BMPR1B: variants seen among roughly 807,000 people sequenced by gnomAD.
BMPR1B encodes the protein bone morphogenetic protein receptor type 1B, also known as bone morphogenetic protein receptor type-1B.
In BMPR1B, 12 loss-of-function variants were observed where a neutral mutation model predicts 59.1. The ratio of observed to expected loss-of-function variants is 0.20; its 90% CI spans 0.13 to 0.33. The LOEUF (loss-of-function observed/expected upper bound fraction) is 0.33. BMPR1B is among the 10% of genes least tolerant of loss of function. BMPR1B has a pLI of 1.00. For missense variants in BMPR1B, 550 were observed against 610.9 expected (o/e 0.90, Z 1.05); for synonymous variants, 237 against 207.3 (o/e 1.14, Z -1.23).
At chr4:94,998,460 G>A (rs1481860799) in intron 3 of BMPR1B, among the ~76,000 whole-genome samples, 2 of 150,712 alleles carry the variant, frequency 1.3e-5, no homozygotes, top group East Asian at 2.0e-4. Context: ...TGCAACCTCC[G>A]TCTCCTGGGT....
intron 6 of BMPR1B, among the ~76,000 whole-genome samples, chr4:95,116,421 G>GCACGCACACACACACACACACACACA (rs1732060790): frequency 8.1e-6 from 1 of 123,198 alleles, no homozygotes; most frequent in African/African-American, 3.6e-5. Context: ...TTCAGCGCGC[G>GCACGCACACACACACACACACACACA]CACACACACA....
intron 2 of BMPR1B, among the ~76,000 whole-genome samples, chr4:94,948,668 A>T (rs1729810109): frequency 6.6e-6 from 1 of 152,200 alleles, no homozygotes; most frequent in South Asian, 2.1e-4. Context: ...ACCTTGGGCA[A>T]CTTCGATAAC....
chr4:94,967,993 T>G (rs1730619312), intron 2 of BMPR1B, among the ~76,000 whole-genome samples: 1 of 152,224 alleles, frequency 6.6e-6, no homozygotes, highest in African/African-American at 2.4e-5. Context: ...GGTTATCTTC[T>G]TGAAGGCAGT....
chr4:94,822,774 G>A (rs1724252075), intron 1 of BMPR1B, among the ~76,000 whole-genome samples: 1 of 152,154 alleles, frequency 6.6e-6, no homozygotes, highest in Admixed American at 6.5e-5. Context: ...AGGCATCTGA[G>A]CGATCTGTTT....
At chr4:95,071,662 ATATAT>A (rs1728306837) in intron 3 of BMPR1B, among the ~76,000 whole-genome samples, 1 of 144,696 alleles carries the variant, frequency 6.9e-6, no homozygotes, top group Non-Finnish European at 1.5e-5. Flanking sequence ...GTATATATAT[ATATAT>A]ATATATATAT....
intron 1 of BMPR1B, among the ~76,000 whole-genome samples, chr4:94,853,409 T>G (rs776963648): frequency 3.9e-5 from 6 of 152,172 alleles, no homozygotes; most frequent in Admixed American, 6.5e-5. Flanking sequence ...CTACTTTTTA[T>G]CCCAAATTAA....
intron 3 of BMPR1B, among the ~76,000 whole-genome samples, chr4:95,001,585 G>C (rs1722453983): frequency 1.3e-5 from 2 of 152,088 alleles, no homozygotes; most frequent in Non-Finnish European, 2.9e-5. Context: ...TTATGTCTAA[G>C]ATTAGAATAT....
At chr4:94,920,192 TTTAAA>T (rs1416725699) in intron 2 of BMPR1B, among the ~76,000 whole-genome samples, 1 of 152,212 alleles carries the variant, frequency 6.6e-6, no homozygotes, top group African/African-American at 2.4e-5. Flanking sequence ...GACAAATTCT[TTTAAA>T]TTAAAACTAC....
chr4:94,870,836 A>C (rs1377581293), intron 1 of BMPR1B, among the ~76,000 whole-genome samples: 1 of 152,114 alleles, frequency 6.6e-6, no homozygotes, highest in Non-Finnish European at 1.5e-5. Context: ...CAGAGTTTGG[A>C]GTTTCCCACA....
At chr4:94,822,587 G>C (rs1213581272) in intron 1 of BMPR1B, among the ~76,000 whole-genome samples, 1 of 152,136 alleles carries the variant, frequency 6.6e-6, no homozygotes, top group East Asian at 1.9e-4. Context: ...CTTCTCTTAA[G>C]ATGAGACTTG....
At chr4:94,841,140 G>A (rs964058064) in intron 1 of BMPR1B, among the ~76,000 whole-genome samples, 5 of 149,252 alleles carry the variant, frequency 3.4e-5, no homozygotes, top group African/African-American at 9.8e-5. Context: ...CCAGCTGCGT[G>A]CTGGGAGAAC....
chr4:95,093,763 A>C (rs1730171929), intron 3 of BMPR1B, among the ~76,000 whole-genome samples: 1 of 152,064 alleles, frequency 6.6e-6, no homozygotes, highest in African/African-American at 2.4e-5. Context: ...GTGAAAAGAG[A>C]AACAATGTCA....
At chr4:94,860,699 G>A (rs73836142) in intron 1 of BMPR1B, among the ~76,000 whole-genome samples, 10,496 of 152,206 alleles carry the variant, frequency 0.069, 932 homozygotes, top group African/African-American at 0.21. Flanking sequence ...GTAGTATAGT[G>A]AATACTGTTT....
At chr4:94,907,054 A>G (rs771315397) in intron 2 of BMPR1B, among the ~76,000 whole-genome samples, 1 of 152,068 alleles carries the variant, frequency 6.6e-6, no homozygotes, top group Non-Finnish European at 1.5e-5. Flanking sequence ...ATAAATGTGT[A>G]CATCACAGTT....
At chr4:95,041,470 T>C (rs1725648126) in intron 3 of BMPR1B, among the ~76,000 whole-genome samples, 1 of 152,162 alleles carries the variant, frequency 6.6e-6, no homozygotes, top group South Asian at 2.1e-4. Flanking sequence ...TATTGTTACC[T>C]CCTCTGAATC....
intron 2 of BMPR1B, among the ~76,000 whole-genome samples, chr4:94,956,665 CTTTAACAGA>C (rs1730151893): frequency 6.6e-6 from 1 of 152,130 alleles, no homozygotes; most frequent in Admixed American, 6.5e-5. Flanking sequence ...TTTTTAACAA[CTTTAACAGA>C]TTTAGTGTGC....
At chr4:94,766,752 A>G (rs1212433665) in intron 1 of BMPR1B, among the ~76,000 whole-genome samples, 1 of 151,860 alleles carries the variant, frequency 6.6e-6, no homozygotes, top group African/African-American at 2.4e-5. Flanking sequence ...CTGAATTGAG[A>G]GCATAATATA....
chr4:94,879,419 G>A (rs1480942446), intron 2 of BMPR1B, among the ~76,000 whole-genome samples: 1 of 152,098 alleles, frequency 6.6e-6, no homozygotes, highest in African/African-American at 2.4e-5. Context: ...TAGGCAACAT[G>A]GCTAGACCTG....
chr4:94,872,302 C>T (rs1726531539), intron 1 of BMPR1B, among the ~76,000 whole-genome samples: 1 of 152,116 alleles, frequency 6.6e-6, no homozygotes, highest in Non-Finnish European at 1.5e-5. Flanking sequence ...ACAAAGCTTT[C>T]AAGTGCAAAC....
Sources: gnomAD v4.1 joint callset for allele counts (sites outside exome capture counted in the v4.1 genomes callset) on GRCh38, gnomAD v4.1.1 for gene constraint, MANE v1.5 for transcripts, NCBI Gene and HGNC (gene_info 2026-07-23, HGNC 2026-07-21) for gene names.